CLPB: variants seen among roughly 807,000 people sequenced by gnomAD.
CLPB encodes mitochondrial disaggregase.
CLPB carries 40 observed loss-of-function variants against 78.4 expected under a neutral mutation model. The observed-to-expected ratio is 0.51, with a 90% CI of 0.40 to 0.66. The LOEUF (loss-of-function observed/expected upper bound fraction) is 0.66, where lower values mean the gene tolerates loss of function less well. CLPB is among the 30% of genes least tolerant of loss of function. CLPB has a pLI of 0.00. For synonymous variants in CLPB, 333 were observed against 348.0 expected, an observed-to-expected ratio of 0.96 and a Z score of 0.48; for missense variants, 780 against 886.9, an observed-to-expected ratio of 0.88 and a Z score of 1.53.
At position 72,381,206 on chromosome 11, in the gene CLPB, C is replaced by A. The variant is rs543702618; in HGVS notation, c.543-822G>T. Among the ~76,000 whole-genome samples the A allele has an allele frequency of 3.9e-5, 6 of 152,266 alleles. No individual in the cohort carries two copies. The South Asian group carries it at 1.2e-3, about 32-fold the overall frequency. ...ACCCCTCCCCGAACTCCAGGCGGTA[C>A]ACATGGAGAGACATACACTCATGGG... On this transcript the variant is annotated intron_variant, in intron 3 of 15. Transcript: ENST00000538039.
chr11:72,385,816 C>T (rs977172689), intron 3 of CLPB, among the ~76,000 whole-genome samples: 1 of 152,038 alleles, frequency 6.6e-6, no homozygotes. Context: ...AGCAAGACGC[C>T]GTCTCAAACA....
intron 4 of CLPB, among the ~76,000 whole-genome samples, chr11:72,367,627 G>A (rs1950968515): frequency 6.6e-6 from 1 of 152,078 alleles, no homozygotes; most frequent in Non-Finnish European, 1.5e-5. Context: ...GGGATGAAGG[G>A]GGGCACGGGT....
intron 6 of CLPB, among the ~76,000 whole-genome samples, chr11:72,325,161 T>C (rs1950110468): frequency 6.6e-6 from 1 of 152,208 alleles, no homozygotes; most frequent in South Asian, 2.1e-4. Flanking sequence ...TCTGCTATCA[T>C]GTCAACAGAG....
chr11:72,348,475 C>T (rs1198722188), intron 5 of CLPB, among the ~76,000 whole-genome samples: 1 of 152,194 alleles, frequency 6.6e-6, no homozygotes, highest in Non-Finnish European at 1.5e-5. Context: ...TGGCTCCTGG[C>T]TCCTGTGGAC....
Position 72,295,933 on chromosome 11 carries a change from G to C in CLPB, c.1330-285C>G, listed in dbSNP as rs474629. On this transcript the variant is annotated intron_variant, in intron 11 of 15. Coordinates refer to ENST00000538039, the MANE Select transcript of CLPB (RefSeq NM_001258392.3). ...TGGGGCACCCAACTATCCCTGGCAT[G>C]CAGAAGTCAGTCACAGTTAGCCATT... Among the ~76,000 whole-genome samples, 29,727 of 152,208 alleles carry C rather than the reference G, an allele frequency of 0.2. 5,098 individuals are homozygous for C. Among genetic ancestry groups the C allele is most frequent in the African/African-American group, 0.46 (19,273 of 41,478 alleles).
At chr11:72,364,547 A>G (rs1044899547) in intron 4 of CLPB, among the ~76,000 whole-genome samples, 17 of 151,712 alleles carry the variant, frequency 1.1e-4, no homozygotes, top group Non-Finnish European at 1.3e-4. Flanking sequence ...ATAGAGAGAG[A>G]TGGAGTCTAC....
chr11:72,430,212 A>G, intron 2 of CLPB, 100 bp downstream of exon 2: 1 of 1,105,850 alleles, frequency 9.0e-7, no homozygotes, highest in African/African-American at 1.5e-5. Flanking sequence ...TTCCCAGCTT[A>G]GGGTAAGGAT....
chr11:72,434,502 G>T lies in CLPB; in HGVS notation c.-28C>A. On this transcript the variant is annotated 5_prime_UTR_variant, in exon 1 of 16. Transcript: ENST00000538039. ...TGACAGCTGCTTCGATAACCCCGTGGTGCCGGCCCCTGTGCTGACCACGTC... is the reference window on the plus strand; with the variant it reads ...TGACAGCTGCTTCGATAACCCCGTGTTGCCGGCCCCTGTGCTGACCACGTC... 6.6e-7 allele frequency: 1 copy of T among 1,521,020 alleles called. No individual in the cohort carries two copies. The highest frequency in any genetic ancestry group is 1.3e-5 in the South Asian group (1 of 76,808). 94.2% of individuals were successfully genotyped at this position (1,521,020 alleles called of 1,614,324 possible). A position where few individuals can be genotyped will look rare whatever the true frequency, so the allele number is the denominator to read the frequency against.
chr11:72,431,226 C>A (rs1249863424), intron 1 of CLPB, among the ~76,000 whole-genome samples: 1 of 152,204 alleles, frequency 6.6e-6, no homozygotes, highest in Non-Finnish European at 1.5e-5. Flanking sequence ...AGGAGAGGCA[C>A]AATCTTTTCA....
At chr11:72,409,555 GCCTGGGCAACAGAGAGAGGCTCCATGT>G (rs1322173941) in intron 2 of CLPB, among the ~76,000 whole-genome samples, 5 of 151,974 alleles carry the variant, frequency 3.3e-5, no homozygotes, top group African/African-American at 1.2e-4. Flanking sequence ...CTGCACTACA[GCCTGGGCAACAGAGAGAGGCTCCATGT>G]CAAAAACAAA....
chr11:72,307,333 G>T, intron 8 of CLPB, 79 bp from the exon 9 acceptor site: 1 of 1,163,590 alleles, frequency 8.6e-7, no homozygotes, highest in Non-Finnish European at 1.3e-6. Context: ...AGAAATGCAC[G>T]GACACTAGAA....
At chr11:72,385,366 C>A (rs555919058) in intron 3 of CLPB, among the ~76,000 whole-genome samples, 14 of 152,246 alleles carry the variant, frequency 9.2e-5, no homozygotes, top group African/African-American at 2.4e-4. Context: ...CTATAAAAAA[C>A]CAGAAAATAT....
At position 72,350,916 on chromosome 11, in the gene CLPB, T is replaced by A. The variant is rs1446155291; in HGVS notation, c.775+7964A>T. On this transcript the variant is annotated intron_variant, in intron 5 of 15. Coordinates refer to ENST00000538039, the MANE Select transcript of CLPB (RefSeq NM_001258392.3). ...GGAGGTTTCTCGTATACTTAGAGAG[T>A]TGTGCAACCATCACCATAATCTAAT... Among the ~76,000 whole-genome samples the A allele has an allele frequency of 2.0e-5, 3 of 152,304 alleles. No homozygotes were observed. In the East Asian group the frequency reaches 5.8e-4, roughly 29 times the overall value.
chr11:72,294,206 C>T, intron 14 of CLPB, 80 bp from the exon 15 acceptor site: 1 of 1,596,716 alleles, frequency 6.3e-7, no homozygotes, highest in Non-Finnish European at 8.6e-7. Context: ...GAGGCCAGGG[C>T]CACTGGCCCC....
intron 5 of CLPB, chr11:72,354,728 G>C (rs2135597655): frequency 5.7e-6 from 1 of 176,116 alleles, no homozygotes; most frequent in African/African-American, 2.3e-5. Context: ...ACTTTTCTGT[G>C]GCGGTTGGGA....
rs908465730 is a variant in CLPB at position 72,292,717 on chromosome 11, G to A, written c.*650C>T. On this transcript the variant is annotated 3_prime_UTR_variant, in exon 16 of 16. Coordinates refer to ENST00000538039, the MANE Select transcript of CLPB (RefSeq NM_001258392.3). ...TGCCCAACACTGGCCTAGTCCCCAA[G>A]GCTGACGAAACATGGTCTGGCCTGA... 1 of 152,634 alleles carries A rather than the reference G, an allele frequency of 6.6e-6. No homozygotes were observed. Among genetic ancestry groups the A allele is most frequent in the African/African-American group, 2.4e-5 (1 of 41,448 alleles). The allele number at this position is 152,634 out of a possible 1,614,324, so 9.5% of individuals were successfully genotyped here. A position where few individuals can be genotyped will look rare whatever the true frequency, so the allele number is the denominator to read the frequency against.
intron 2 of CLPB, among the ~76,000 whole-genome samples, chr11:72,420,839 A>T (rs1856174749): frequency 6.6e-6 from 1 of 152,142 alleles, no homozygotes; most frequent in African/African-American, 2.4e-5. Flanking sequence ...GCAACCTTTG[A>T]TATACAAATG....
Position 72,410,534 on chromosome 11 carries a change from CA to C in CLPB, c.456-7483del, listed in dbSNP as rs1327869763. On this transcript the variant is annotated intron_variant, in intron 2 of 15. Transcript: ENST00000538039. ...AGCTTATACTATTCTTATCACTTTC[CA>C]ATTTGTGTTCACTCGATTTTAAAGA... 2.6e-5 allele frequency among the ~76,000 whole-genome samples: 4 copies of C among 152,238 alleles called. No individual in the cohort carries two copies. In the East Asian group the frequency reaches 7.7e-4, roughly 29 times the overall value.
intron 5 of CLPB, among the ~76,000 whole-genome samples, chr11:72,336,083 G>C (rs1950316769): frequency 6.6e-6 from 1 of 151,864 alleles, no homozygotes; most frequent in Admixed American, 6.5e-5. Context: ...ATCCCACCTA[G>C]GGAGGTGGGA....
Sources: allele counts gnomAD v4.1 joint callset (sites outside exome capture counted in the v4.1 genomes callset), GRCh38; gene constraint gnomAD v4.1.1; transcripts MANE v1.5; gene names NCBI Gene and HGNC (gene_info 2026-07-23, HGNC 2026-07-21).